The following TSPAN12 variants were observed in gnomAD, a reference collection of about 807,000 sequenced individuals.
The protein encoded by TSPAN12 is tetraspanin-12.
TSPAN12 carries 19 observed loss-of-function variants against 39.2 expected under a neutral mutation model. The ratio of observed to expected loss-of-function variants is 0.49; its 90% confidence interval spans 0.34 to 0.71. TSPAN12 has a LOEUF of 0.71. TSPAN12 is among the 30% of genes least tolerant of loss of function. The pLI is 0.01. For missense variants in TSPAN12, 314 were observed against 359.9 expected (o/e 0.87, Z 1.03); for synonymous variants, 119 against 124.8 (o/e 0.95, Z 0.31).
chr7:120,825,757 G>A (rs1316186238), intron 4 of TSPAN12, among the ~76,000 whole-genome samples: 1 of 152,152 alleles, frequency 6.6e-6, no homozygotes, highest in African/African-American at 2.4e-5. Context: ...CTTCTATTAA[G>A]AATCCATGGG....
chr7:120,791,542 A>G (rs1584919245), intron 7 of TSPAN12, among the ~76,000 whole-genome samples: 1 of 152,288 alleles, frequency 6.6e-6, no homozygotes, highest in South Asian at 2.1e-4. Flanking sequence ...CCCTTTCAAT[A>G]GTCTCTGGGG....
Position 120,788,098 on chromosome 7 carries a change from C to T in TSPAN12, c.*494G>A, listed in dbSNP as rs1793443627. ...GCAAAAATCACATTTAGGTAGTCAC[C>T]AATATTGAAAGTTTTCTGATATATA... is the stretch of plus-strand genomic sequence containing the variant. On this transcript the variant is annotated 3_prime_UTR_variant, in exon 8 of 8. Transcript: ENST00000222747. 6.0e-6 allele frequency: 1 copy of T among 167,622 alleles called. No homozygotes were observed. The highest frequency in any genetic ancestry group is 1.3e-5 in the Non-Finnish European group (1 of 77,448). 10.4% of individuals were successfully genotyped at this position (167,622 alleles called of 1,614,324 possible). A position where few individuals can be genotyped will look rare whatever the true frequency, so the allele number is the denominator to read the frequency against.
At chr7:120,836,123 C>T (rs1478783457) in intron 4 of TSPAN12, among the ~76,000 whole-genome samples, 1 of 152,114 alleles carries the variant, frequency 6.6e-6, no homozygotes, top group Non-Finnish European at 1.5e-5. Context: ...GGACAACTTC[C>T]CATGACTGTA....
chr7:120,844,062 G>A (rs1407887730), intron 2 of TSPAN12, among the ~76,000 whole-genome samples: 1 of 152,162 alleles, frequency 6.6e-6, no homozygotes, highest in Admixed American at 6.5e-5. Flanking sequence ...AGGGGAAGCA[G>A]GCACATCTTA....
chr7:120,847,832 C>T (rs1052175574), intron 2 of TSPAN12, among the ~76,000 whole-genome samples: 1 of 152,178 alleles, frequency 6.6e-6, no homozygotes, highest in African/African-American at 2.4e-5. Context: ...CTGCTTATAG[C>T]TACCCTTTAT....
chr7:120,826,209 T>G (rs932972850), intron 4 of TSPAN12, among the ~76,000 whole-genome samples: 1 of 152,192 alleles, frequency 6.6e-6, no homozygotes, highest in East Asian at 1.9e-4. Context: ...GTTGGTGAAA[T>G]TCAAATTAGT....
chr7:120,803,407 CCTACTGAATGAT>C (rs987953940), intron 7 of TSPAN12, among the ~76,000 whole-genome samples: 3 of 152,140 alleles, frequency 2.0e-5, no homozygotes, highest in African/African-American at 7.2e-5. Flanking sequence ...CCCTCATCTT[CCTACTGAATGAT>C]CTCTGGACAC....
chr7:120,855,492 C>T (rs1794853708), intron 2 of TSPAN12, among the ~76,000 whole-genome samples: 1 of 152,080 alleles, frequency 6.6e-6, no homozygotes, highest in Non-Finnish European at 1.5e-5. Context: ...TTTAATGATC[C>T]AGGTAATTTA....
At chr7:120,825,350 A>G (rs577381220) in intron 4 of TSPAN12, among the ~76,000 whole-genome samples, 8 of 152,338 alleles carry the variant, frequency 5.3e-5, no homozygotes, top group African/African-American at 1.9e-4. Context: ...TAAAACCACA[A>G]AAGTCAGATT....
chr7:120,808,897 T>C (rs1793925336), intron 6 of TSPAN12, among the ~76,000 whole-genome samples: 1 of 151,758 alleles, frequency 6.6e-6, no homozygotes, highest in East Asian at 1.9e-4. Context: ...ATAGAGATTG[T>C]TGAGTTAAAA....
chr7:120,840,976 T>C (rs1794568701), intron 2 of TSPAN12, among the ~76,000 whole-genome samples: 1 of 152,232 alleles, frequency 6.6e-6, no homozygotes, highest in Non-Finnish European at 1.5e-5. Context: ...AAAAAATTAC[T>C]GAACACAGGT....
At chr7:120,841,311 A>G (rs954531286) in intron 2 of TSPAN12, among the ~76,000 whole-genome samples, 4 of 152,222 alleles carry the variant, frequency 2.6e-5, no homozygotes, top group Non-Finnish European at 2.9e-5. Context: ...TACATGAAAT[A>G]GATTTAAACA....
At chr7:120,824,044 A>G (rs938897782) in intron 4 of TSPAN12, among the ~76,000 whole-genome samples, 6 of 152,168 alleles carry the variant, frequency 3.9e-5, no homozygotes, top group African/African-American at 1.4e-4. Flanking sequence ...CTAACTGCTC[A>G]GGTACAGTCT....
chr7:120,813,802 A>G (rs193047944), intron 5 of TSPAN12, among the ~76,000 whole-genome samples: 45 of 152,356 alleles, frequency 3.0e-4, no homozygotes, highest in African/African-American at 1.0e-3. Context: ...AGTAAACCAC[A>G]GAAACCGATT....
chr7:120,844,421 ACAAGT>A (rs561336985), intron 2 of TSPAN12, among the ~76,000 whole-genome samples: 235 of 152,310 alleles, frequency 1.5e-3, no homozygotes, highest in African/African-American at 5.2e-3. Flanking sequence ...CCCACTTGAG[ACAAGT>A]CAAGTCCCTT....
intron 2 of TSPAN12, among the ~76,000 whole-genome samples, chr7:120,841,416 T>C (rs1320238733): frequency 1.3e-5 from 2 of 151,316 alleles, no homozygotes; most frequent in Non-Finnish European, 2.9e-5. Context: ...AAAAAAAAAA[T>C]TGGAAAGTTA....
chr7:120,836,209 G>T (rs1293115759), intron 4 of TSPAN12, among the ~76,000 whole-genome samples: 1 of 152,176 alleles, frequency 6.6e-6, no homozygotes, highest in Admixed American at 6.5e-5. Context: ...GAGAGCCTGA[G>T]AAACAGACCA....
chr7:120,845,645 G>C (rs2116487090), intron 2 of TSPAN12, among the ~76,000 whole-genome samples: 1 of 152,310 alleles, frequency 6.6e-6, no homozygotes, highest in Middle Eastern at 3.4e-3. Context: ...CTTTGCTAAA[G>C]CATAGCAAGA....
chr7:120,803,295 A>G (rs1214295909), intron 7 of TSPAN12, among the ~76,000 whole-genome samples: 1 of 152,122 alleles, frequency 6.6e-6, no homozygotes, highest in East Asian at 1.9e-4. Flanking sequence ...TGAACTTTGA[A>G]ATATTTGAAC....
Sources: allele counts gnomAD v4.1 joint callset (sites outside exome capture counted in the v4.1 genomes callset), GRCh38; gene constraint gnomAD v4.1.1; transcripts MANE v1.5; gene names NCBI Gene and HGNC (gene_info 2026-07-23, HGNC 2026-07-21).